Variants in LINGO1 observed in about 807,000 individuals in gnomAD.
The protein encoded by LINGO1 is leucine rich repeat and Ig domain containing 1.
LINGO1 carries 11 observed loss-of-function variants against 37.3 expected under a neutral mutation model. That is an observed-to-expected ratio of 0.29 (90% CI 0.19 to 0.49). LINGO1 has a LOEUF of 0.49. LINGO1 is among the 20% of genes least tolerant of loss of function. LINGO1 has a pLI of 0.99. For missense variants in LINGO1, 585 were observed against 878.2 expected, an observed-to-expected ratio of 0.67 and a Z score of 4.22; for synonymous variants, 387 against 403.0, an observed-to-expected ratio of 0.96 and a Z score of 0.48.
intron 3 of LINGO1, among the ~76,000 whole-genome samples, chr15:77,647,545 T>C (rs1047737028): frequency 6.6e-6 from 1 of 152,026 alleles, no homozygotes; most frequent in Admixed American, 6.5e-5. Flanking sequence ...GTGGACAAAG[T>C]GGAGTCTGCA....
intron 1 of LINGO1, among the ~76,000 whole-genome samples, chr15:77,811,786 A>G (rs2077007781): frequency 6.6e-6 from 1 of 152,228 alleles, no homozygotes; most frequent in South Asian, 2.1e-4. Context: ...TTAGGTGTGA[A>G]AAGGCTTGAT....
chr15:77,791,386 C>CG (rs2076817591), upstream of LINGO1, among the ~76,000 whole-genome samples: 1 of 13,884 alleles, frequency 7.2e-5, no homozygotes, highest in Non-Finnish European at 2.0e-4. Context: ...CCGAGGGAGG[C>CG]GGGGGGTCAA....
chr15:77,743,821 G>T (rs1032041032), intron 1 of LINGO1, among the ~76,000 whole-genome samples: 4 of 151,986 alleles, frequency 2.6e-5, no homozygotes, highest in Non-Finnish European at 4.4e-5. Context: ...CAGACTGCGG[G>T]GGTGGGGGAG....
At chr15:77,754,572 G>A (rs530764389) in intron 1 of LINGO1, among the ~76,000 whole-genome samples, 3 of 152,366 alleles carry the variant, frequency 2.0e-5, no homozygotes, top group East Asian at 1.9e-4. Flanking sequence ...GCGACAGGAC[G>A]CTCCACCCAA....
chr15:77,814,192 C>T (rs529859708), intron 1 of LINGO1, among the ~76,000 whole-genome samples: 1 of 152,288 alleles, frequency 6.6e-6, no homozygotes, highest in African/African-American at 2.4e-5. Context: ...AGACAGAAGA[C>T]AAAGCCACTC....
chr15:77,767,952 A>G (rs1316877619), intron 1 of LINGO1, among the ~76,000 whole-genome samples: 2 of 152,268 alleles, frequency 1.3e-5, no homozygotes, highest in Non-Finnish European at 2.9e-5. Flanking sequence ...AGTTATTTAG[A>G]CGTAGGGAAG....
intron 1 of LINGO1, among the ~76,000 whole-genome samples, chr15:77,747,479 T>G (rs2076325771): frequency 6.6e-6 from 1 of 152,240 alleles, no homozygotes; most frequent in Non-Finnish European, 1.5e-5. Flanking sequence ...ACTTTTTCTG[T>G]AACCTCTCAC....
intron 3 of LINGO1, among the ~76,000 whole-genome samples, chr15:77,670,482 C>A (rs564048943): frequency 1.3e-5 from 2 of 152,362 alleles, no homozygotes; most frequent in East Asian, 3.9e-4. Flanking sequence ...AGAGTGGAAG[C>A]TCTGGGAGGG....
upstream of LINGO1, among the ~76,000 whole-genome samples, chr15:77,637,522 C>T (rs1367687500): frequency 1.3e-5 from 2 of 152,190 alleles, no homozygotes; most frequent in African/African-American, 4.8e-5. The surrounding 1 kb of genome is among the most constrained non-coding windows in gnomAD (Gnocchi z 4.6). Flanking sequence ...TCTCAGTTTC[C>T]TCCTCTGTAA....
At chr15:77,665,024 G>A (rs1273313335) in intron 3 of LINGO1, among the ~76,000 whole-genome samples, 2 of 152,124 alleles carry the variant, frequency 1.3e-5, no homozygotes, top group East Asian at 1.9e-4. Flanking sequence ...ATACAGAGGT[G>A]GGCGCACATC....
intron 1 of LINGO1, among the ~76,000 whole-genome samples, chr15:77,691,308 AG>A (rs1350019355): frequency 4.6e-5 from 7 of 152,230 alleles, no homozygotes; most frequent in African/African-American, 1.7e-4. Context: ...AGAGAGGAGA[AG>A]GGATTTGCCC....
chr15:77,687,553 G>A (rs772680424), intron 2 of LINGO1, among the ~76,000 whole-genome samples: 7 of 152,210 alleles, frequency 4.6e-5, no homozygotes, highest in Non-Finnish European at 8.8e-5. Flanking sequence ...GATTCCCTCT[G>A]CCCTAGCAGA....
rs190232546 is a variant in LINGO1 at position 77,792,921 on chromosome 15, C to G, written c.-343+3018G>C. On this transcript the variant is annotated intron_variant, in intron 2 of 5. Transcript: ENST00000562933. ...ACCCATAGGTGATCCCAACCCAGCA[C>G]GACAGCAGTGCTGGGGCCAACAGAT... is the stretch of plus-strand genomic sequence containing the variant. Among the ~76,000 whole-genome samples, 653 of 152,342 alleles carry G rather than the reference C, an allele frequency of 4.3e-3. 2 individuals carry two copies. The highest frequency in any genetic ancestry group is 6.8e-3 in the Non-Finnish European group (465 of 68,030).
chr15:77,803,898 T>C (rs1250397119), intron 1 of LINGO1, among the ~76,000 whole-genome samples: 2 of 152,234 alleles, frequency 1.3e-5, no homozygotes, highest in Non-Finnish European at 2.9e-5. Flanking sequence ...AATTTCTTTA[T>C]AGCAACACAA....
chr15:77,779,038 C>G (rs565409010), intron 1 of LINGO1, among the ~76,000 whole-genome samples: 1 of 152,270 alleles, frequency 6.6e-6, no homozygotes, highest in South Asian at 2.1e-4. Context: ...GCCAGGCACA[C>G]GCCCACCTGG....
intron 2 of LINGO1, among the ~76,000 whole-genome samples, chr15:77,712,363 G>C (rs918269045): frequency 6.6e-6 from 1 of 151,708 alleles, no homozygotes; most frequent in Non-Finnish European, 1.5e-5. Context: ...TGGTGAGCTT[G>C]AGTTCCATGG....
intron 3 of LINGO1, chr15:77,648,732 G>T (rs1042682320): frequency 1.3e-5 from 2 of 152,236 alleles, no homozygotes; most frequent in African/African-American, 4.8e-5. Context: ...GAGGCCCCCC[G>T]GGACCGTACT....
At chr15:77,659,737 C>T (rs1339579425) in intron 3 of LINGO1, among the ~76,000 whole-genome samples, 1 of 152,052 alleles carries the variant, frequency 6.6e-6, no homozygotes, top group Non-Finnish European at 1.5e-5. Flanking sequence ...ATGGGATGGA[C>T]CATGGGGCGT....
At chr15:77,798,998 C>G (rs1265022078) in intron 1 of LINGO1, among the ~76,000 whole-genome samples, 1 of 152,146 alleles carries the variant, frequency 6.6e-6, no homozygotes, top group Non-Finnish European at 1.5e-5. Flanking sequence ...CTCTGGACAA[C>G]ATGGTGCATA....
Sources: gnomAD v4.1 joint callset for allele counts (sites outside exome capture counted in the v4.1 genomes callset) on GRCh38, gnomAD v4.1.1 for gene constraint, Gnocchi (gnomAD v3.1) non-coding constraint, MANE v1.5 for transcripts, NCBI Gene and HGNC (gene_info 2026-07-23, HGNC 2026-07-21) for gene names.